Variants in IL18R1 observed in about 807,000 individuals in gnomAD.
The protein encoded by IL18R1 is interleukin 18 receptor 1, also known as interleukin-18 receptor 1.
Under a neutral mutation model 48.5 loss-of-function variants are expected in IL18R1, and 40 were observed. That is an observed-to-expected ratio of 0.82 (90% CI 0.64 to 1.07). The LOEUF (loss-of-function observed/expected upper bound fraction) is 1.07, where lower values mean the gene tolerates loss of function less well. IL18R1 is among the 50% of genes least tolerant of loss of function. IL18R1 has a pLI of 0.00. For missense variants in IL18R1, 596 were observed against 633.7 expected (o/e 0.94, Z 0.64); for synonymous variants, 232 against 225.9 (o/e 1.03, Z -0.24).
At chr2:102,362,811 C>A in intron 2 of IL18R1, 93 bp downstream of exon 2, 2 of 696,180 alleles carry the variant, frequency 2.9e-6, no homozygotes, top group Non-Finnish European at 4.8e-6. Flanking sequence ...ACTGAAGATG[C>A]TGAATTTATT....
At chr2:102,395,895 CG>C (rs1319802762) in intron 10 of IL18R1, among the ~76,000 whole-genome samples, 2 of 152,152 alleles carry the variant, frequency 1.3e-5, no homozygotes, top group African/African-American at 4.8e-5. Flanking sequence ...CTGTCGCCTG[CG>C]TCTGCATCTG....
rs770833967 is a variant in IL18R1, at chr2:102,385,014, A to G, written c.809+16A>G. 7.2e-7 allele frequency: 1 copy of G among 1,392,608 alleles called. No homozygotes were observed. Among genetic ancestry groups the G allele is most frequent in the East Asian group, 2.3e-5 (1 of 43,424 alleles). The allele number at this position is 1,392,608 out of a possible 1,614,324, so 86.3% of individuals were successfully genotyped here. ...TGAGAATTATGTATGTATGTGTAAT[A>G]TATATGTCATGATATATACCATATA... On this transcript the variant is annotated intron_variant, in intron 7 of 10. Coordinates refer to ENST00000233957, the MANE Select transcript of IL18R1 (RefSeq NM_003855.5).
Position 102,375,914 on chromosome 2 carries a change from A to T in IL18R1, c.476A>T (p.Lys159Ile), listed in dbSNP as rs780950445. 1.9e-6 allele frequency: 3 copies of T among 1,574,708 alleles called. No individual in the cohort carries two copies. Among genetic ancestry groups the T allele is most frequent in the East Asian group, 4.5e-5 (2 of 44,056 alleles). ...TTGTTTTATTAAAAACAGAACTGTA[A>T]AAAGCTACTACTGGAGAACAATAAA... is the stretch of plus-strand genomic sequence containing the variant. Reference protein sequence around the residue: ...VNSTSLYKNCKKLLLENNKNP... With the variant: ...VNSTSLYKNCIKLLLENNKNP... Residue 159 changes from lysine to isoleucine, a missense_variant, in exon 5 of 11, where the codon AAA becomes ATA. This residue lies in a region of IL18R1 where 360 missense variants were observed against 339.4 expected (regional missense o/e 1.06). Transcript: ENST00000233957.
At chr2:102,359,016 T>G (rs1034786630) in intron 1 of IL18R1, among the ~76,000 whole-genome samples, 1 of 152,098 alleles carries the variant, frequency 6.6e-6, no homozygotes, top group Non-Finnish European at 1.5e-5. Flanking sequence ...TTGGTGTGTG[T>G]GAGCATGTGT....
chr2:102,382,979 G>A (rs1374303705), intron 6 of IL18R1, among the ~76,000 whole-genome samples: 1 of 151,976 alleles, frequency 6.6e-6, no homozygotes, highest in Non-Finnish European at 1.5e-5. Flanking sequence ...CACTACTTTA[G>A]CTGTTTCTCA....
chr2:102,392,627 C>T (rs1680614565), intron 9 of IL18R1, among the ~76,000 whole-genome samples: 2 of 152,130 alleles, frequency 1.3e-5, no homozygotes, highest in Middle Eastern at 3.4e-3. Flanking sequence ...GCTGCAATAT[C>T]TAAGAAAGTG....
chr2:102,360,779 C>G (rs895904532), intron 1 of IL18R1, among the ~76,000 whole-genome samples: 1 of 151,910 alleles, frequency 6.6e-6, no homozygotes, highest in East Asian at 1.9e-4. Flanking sequence ...AATTAAAAAC[C>G]CTTAAAATTC....
intron 3 of IL18R1, among the ~76,000 whole-genome samples, chr2:102,368,767 C>T (rs1443584669): frequency 2.0e-5 from 3 of 152,136 alleles, no homozygotes; most frequent in Non-Finnish European, 4.4e-5. Flanking sequence ...TACCTACCTA[C>T]ATATGTAGGT....
rs548786875 is a variant in IL18R1 at position 102,395,360 on chromosome 2, T to C, written c.1270+733T>C. ...CTGATGCTTAAAAAAAAAAAACAAA[T>C]GTTTGATTATTACCATCATTCATGT... is the stretch of plus-strand genomic sequence containing the variant. On this transcript the variant is annotated intron_variant, in intron 10 of 10. Coordinates refer to ENST00000233957, the MANE Select transcript of IL18R1 (RefSeq NM_003855.5). Among the ~76,000 whole-genome samples, 14 of 151,120 alleles carry C rather than the reference T, an allele frequency of 9.3e-5. No individual in the cohort carries two copies. In the South Asian group the frequency reaches 2.7e-3, roughly 29 times the overall value.
chr2:102,387,503 C>G (rs1573224686), intron 8 of IL18R1, among the ~76,000 whole-genome samples: 1 of 152,210 alleles, frequency 6.6e-6, no homozygotes, highest in Admixed American at 6.5e-5. Flanking sequence ...TCTGTGGGCT[C>G]TTAAAGTTTT....
intron 9 of IL18R1, among the ~76,000 whole-genome samples, chr2:102,392,737 G>A (rs1402062091): frequency 1.3e-5 from 2 of 152,118 alleles, no homozygotes; most frequent in Non-Finnish European, 2.9e-5. Flanking sequence ...ACCAAGCATA[G>A]TTTGAGGAAC....
At chr2:102,376,804 G>T (rs1268133535) in intron 5 of IL18R1, among the ~76,000 whole-genome samples, 1 of 152,226 alleles carries the variant, frequency 6.6e-6, no homozygotes, top group Non-Finnish European at 1.5e-5. Context: ...CACAGCCAAT[G>T]ATTGATCATC....
At chr2:102,379,832 G>A (rs1679815646) in intron 5 of IL18R1, among the ~76,000 whole-genome samples, 1 of 152,178 alleles carries the variant, frequency 6.6e-6, no homozygotes, top group South Asian at 2.1e-4. Flanking sequence ...TTTGGGAAGA[G>A]GGAGTCTGGT....
chr2:102,363,887 G>C (rs1470447480), intron 2 of IL18R1, among the ~76,000 whole-genome samples: 1 of 152,166 alleles, frequency 6.6e-6, no homozygotes, highest in Non-Finnish European at 1.5e-5. Flanking sequence ...GGCACTGCTG[G>C]GTTCTTATAC....
At chr2:102,387,356 G>A (rs751167664) in intron 8 of IL18R1, among the ~76,000 whole-genome samples, 2 of 152,204 alleles carry the variant, frequency 1.3e-5, no homozygotes, top group African/African-American at 2.4e-5. Context: ...GCAGATCTGC[G>A]TGGGGTGAGG....
chr2:102,394,610 A>C lies in IL18R1; in HGVS notation c.1253A>C (p.Asp418Ala). Residue 418 changes from aspartate to alanine, a missense_variant, in exon 10 of 11, where the codon GAT becomes GCT. Physicochemically the swap from Asp to Ala is moderately radical, Grantham distance 126. Around this residue, in one of 3 missense-constraint regions of IL18R1, gnomAD observed 179 missense variants for 206.1 expected, o/e 0.87. Transcript: ENST00000233957. ...FGYKLCIFERDVVPGGAVVDE... is the reference protein window; with the variant it reads ...FGYKLCIFERAVVPGGAVVDE... Reference sequence around the variant, plus strand: ...TATAAGTTATGCATATTTGAAAGGGATGTAGTGCCTGGAGGAGGTAAGAGG... The same window carrying C: ...TATAAGTTATGCATATTTGAAAGGGCTGTAGTGCCTGGAGGAGGTAAGAGG... The C allele has an allele frequency of 6.2e-7, 1 of 1,609,926 alleles. No individual in the cohort carries two copies. The highest frequency in any genetic ancestry group is 8.5e-7 in the Non-Finnish European group (1 of 1,177,394).
At chr2:102,392,748 A>G (rs2105128936) in intron 9 of IL18R1, among the ~76,000 whole-genome samples, 1 of 152,320 alleles carries the variant, frequency 6.6e-6, no homozygotes, top group East Asian at 1.9e-4. Flanking sequence ...TTTGAGGAAC[A>G]TTTGTTTAAC....
chr2:102,391,780 T>A (rs984887620), intron 9 of IL18R1, among the ~76,000 whole-genome samples: 4 of 152,234 alleles, frequency 2.6e-5, no homozygotes, highest in Admixed American at 6.5e-5. Context: ...TTAAGTGACA[T>A]TTTAATTTGC....
chr2:102,368,171 CT>C, intron 3 of IL18R1, 103 bp downstream of exon 3: 1 of 1,226,540 alleles, frequency 8.2e-7, no homozygotes, highest in Non-Finnish European at 1.2e-6. Context: ...TCACCACATC[CT>C]TTTCTTTCCT....
Sources: gnomAD v4.1 joint callset for allele counts (sites outside exome capture counted in the v4.1 genomes callset) on GRCh38, gnomAD v4.1.1 for gene constraint, gnomAD v4.1.1 regional missense constraint, MANE v1.5 for transcripts, NCBI Gene and HGNC (gene_info 2026-07-23, HGNC 2026-07-21) for gene names.